The following TAFA1 variants were observed in gnomAD, a reference collection of about 807,000 sequenced individuals.
The protein encoded by TAFA1 is chemokine-like protein TAFA-1.
Under a neutral mutation model 18.5 loss-of-function variants are expected in TAFA1, and 4 were observed. The observed-to-expected ratio is 0.22, with a 90% CI of 0.11 to 0.49. The LOEUF is 0.49. TAFA1 is among the 20% of genes least tolerant of loss of function. The probability of loss-of-function intolerance (pLI) is 0.98; values close to 1 mark genes in which losing one functional copy is unlikely to be tolerated. For synonymous variants in TAFA1, 56 were observed against 55.2 expected (o/e 1.01, Z -0.06); for missense variants, 147 against 169.0 (o/e 0.87, Z 0.72).
chr3:68,407,966 A>G (rs2070642476), intron 2 of TAFA1, among the ~76,000 whole-genome samples: 1 of 152,222 alleles, frequency 6.6e-6, no homozygotes. Context: ...ACAGACAAAG[A>G]CACTCAGAGC....
At chr3:68,190,517 C>T (rs2066324159) in intron 2 of TAFA1, among the ~76,000 whole-genome samples, 1 of 151,866 alleles carries the variant, frequency 6.6e-6, no homozygotes, top group South Asian at 2.1e-4. Flanking sequence ...GCTTTTAAGA[C>T]CATTAACCTC....
chr3:68,108,871 T>C (rs1308292375), intron 2 of TAFA1, among the ~76,000 whole-genome samples: 1 of 152,068 alleles, frequency 6.6e-6, no homozygotes, highest in East Asian at 1.9e-4. Flanking sequence ...CCAATCCCAT[T>C]TCACTCTGTA....
At chr3:68,154,012 A>G (rs185793586) in intron 2 of TAFA1, among the ~76,000 whole-genome samples, 167 of 152,316 alleles carry the variant, frequency 1.1e-3, no homozygotes, top group African/African-American at 3.8e-3. Context: ...AAGAGTAATT[A>G]ATGCTAGCCA....
chr3:68,245,122 T>TGG (rs1285530342), intron 2 of TAFA1, among the ~76,000 whole-genome samples: 1 of 152,246 alleles, frequency 6.6e-6, no homozygotes, highest in East Asian at 1.9e-4. Context: ...GCTGGAGGTT[T>TGG]GGAGACTGGT....
At chr3:68,366,528 C>G (rs1011107954) in intron 2 of TAFA1, among the ~76,000 whole-genome samples, 15 of 152,110 alleles carry the variant, frequency 9.9e-5, no homozygotes, top group African/African-American at 3.6e-4. Context: ...AAAGGGACTT[C>G]GCTGGGTGGA....
intron 2 of TAFA1, among the ~76,000 whole-genome samples, chr3:68,235,098 T>C (rs1465618627): frequency 6.6e-6 from 1 of 152,136 alleles, no homozygotes; most frequent in Admixed American, 6.6e-5. Context: ...CATTTTCACC[T>C]CAGTTCAAGG....
intron 2 of TAFA1, among the ~76,000 whole-genome samples, chr3:68,041,622 T>C (rs1045241827): frequency 1.9e-4 from 29 of 152,216 alleles, no homozygotes; most frequent in Non-Finnish European, 2.9e-5. Flanking sequence ...GTGTCTGCTA[T>C]GTTAGGCATT....
intron 2 of TAFA1, among the ~76,000 whole-genome samples, chr3:68,263,468 C>CACACACACACACAT (rs1344037973): frequency 5.3e-5 from 8 of 151,532 alleles, no homozygotes; most frequent in African/African-American, 1.5e-4. Flanking sequence ...CACACACACA[C>CACACACACACACAT]ACACACACAC....
At chr3:68,166,554 A>G (rs910669705) in intron 2 of TAFA1, among the ~76,000 whole-genome samples, 3 of 152,170 alleles carry the variant, frequency 2.0e-5, no homozygotes, top group East Asian at 3.9e-4. Flanking sequence ...TGCACAGTGG[A>G]TAAGAAGACT....
chr3:68,120,250 T>TTTC (rs2065382452), intron 2 of TAFA1, among the ~76,000 whole-genome samples: 1 of 110,374 alleles, frequency 9.1e-6, no homozygotes, highest in Non-Finnish European at 1.9e-5. Context: ...TCTTTCTTTC[T>TTTC]TTCTTTCTTT....
intron 2 of TAFA1, among the ~76,000 whole-genome samples, chr3:68,142,039 CT>C (rs1461504487): frequency 1.3e-5 from 2 of 152,178 alleles, no homozygotes; most frequent in Non-Finnish European, 2.9e-5. Flanking sequence ...TACCAAACTC[CT>C]TGACTTTTGG....
At chr3:68,245,030 G>A (rs529891551) in intron 2 of TAFA1, among the ~76,000 whole-genome samples, 1 of 152,070 alleles carries the variant, frequency 6.6e-6, no homozygotes, top group Non-Finnish European at 1.5e-5. Context: ...CATCTATCAA[G>A]CCTTTATTTT....
chr3:68,465,238 T>C (rs2071864521), intron 3 of TAFA1, among the ~76,000 whole-genome samples: 1 of 152,218 alleles, frequency 6.6e-6, no homozygotes, highest in Non-Finnish European at 1.5e-5. Flanking sequence ...CCTTGAATAC[T>C]ACTGGGAACA....
chr3:68,477,561 A>G (rs934688550), intron 3 of TAFA1, among the ~76,000 whole-genome samples: 32 of 151,678 alleles, frequency 2.1e-4, no homozygotes, highest in East Asian at 5.8e-4. Flanking sequence ...TTGTATTTGT[A>G]GTAGAGATGG....
chr3:68,446,299 G>A (rs2071473013), intron 3 of TAFA1, among the ~76,000 whole-genome samples: 1 of 152,090 alleles, frequency 6.6e-6, no homozygotes, highest in South Asian at 2.1e-4. Context: ...GGAATAAATA[G>A]TCACAATGGA....
intron 2 of TAFA1, among the ~76,000 whole-genome samples, chr3:68,081,313 C>T (rs1174263618): frequency 3.3e-5 from 5 of 152,042 alleles, no homozygotes; most frequent in Admixed American, 1.3e-4. Context: ...TCTCTCAGCT[C>T]GTCAAAGTCA....
intron 3 of TAFA1, among the ~76,000 whole-genome samples, chr3:68,535,488 A>G (rs2073263654): frequency 6.6e-6 from 1 of 152,154 alleles, no homozygotes; most frequent in Admixed American, 6.6e-5. Context: ...GTTGTCTTAC[A>G]TATGAATACA....
chr3:68,521,197 C>G (rs1288298136), intron 3 of TAFA1, among the ~76,000 whole-genome samples: 1 of 152,202 alleles, frequency 6.6e-6, no homozygotes, highest in Non-Finnish European at 1.5e-5. Context: ...GTGACTTTGT[C>G]TTTTCAGCAG....
intron 2 of TAFA1, among the ~76,000 whole-genome samples, chr3:68,332,775 GA>G (rs765528445): frequency 2.6e-4 from 39 of 152,320 alleles, no homozygotes; most frequent in Non-Finnish European, 5.0e-4. Flanking sequence ...AAGTGTTGAT[GA>G]GAATATGGAG....
Sources: gnomAD v4.1 joint callset for allele counts (sites outside exome capture counted in the v4.1 genomes callset) on GRCh38, gnomAD v4.1.1 for gene constraint, MANE v1.5 for transcripts, NCBI Gene and HGNC (gene_info 2026-07-23, HGNC 2026-07-21) for gene names.